CLSTN3: variants seen among roughly 807,000 people sequenced by gnomAD.
CLSTN3 encodes calsyntenin-3.
CLSTN3 carries 36 observed loss-of-function variants against 95.9 expected under a neutral mutation model. That is an observed-to-expected ratio of 0.38 (90% CI 0.29 to 0.50). The LOEUF is 0.50. Ranked by LOEUF, CLSTN3 falls within the 20% of genes least tolerant of loss-of-function variation. The pLI is 0.95. For synonymous variants in CLSTN3, 481 were observed against 504.0 expected (o/e 0.95, Z 0.61); for missense variants, 1,084 against 1,268.8 (o/e 0.85, Z 2.21).
chr12:7,150,901 T>C lies in CLSTN3; in HGVS notation c.2392-27T>C. The stretch of plus-strand genomic sequence containing the variant: ...GGGGAGGACCTGGGAGAAGCGTGTG[T>C]GCCCATGGAGCCCTCCCTCTGCCCA... On this transcript the variant is annotated intron_variant, in intron 15 of 17. Coordinates refer to ENST00000266546, the MANE Select transcript of CLSTN3 (RefSeq NM_014718.4). The surrounding 1 kb of genome is among the most constrained non-coding windows in gnomAD (Gnocchi z 4.0). 2 of 1,563,310 alleles carry C rather than the reference T, an allele frequency of 1.3e-6. No individual in the cohort carries two copies. The highest frequency in any genetic ancestry group is 1.7e-6 in the Non-Finnish European group (2 of 1,150,344).
At chr12:7,154,093 G>A (rs770897088) in intron 16 of CLSTN3, among the ~76,000 whole-genome samples, 3 of 152,308 alleles carry the variant, frequency 2.0e-5, no homozygotes, top group South Asian at 2.1e-4. Context: ...CACAGAGTTC[G>A]TAGCTTCCCT....
At chr12:7,136,181 C>T (rs757815011) in intron 5 of CLSTN3, 25 bp from the exon 6 acceptor site, 4 of 1,607,446 alleles carry the variant, frequency 2.5e-6, no homozygotes, top group East Asian at 4.5e-5. Context: ...CTCTCCCCAT[C>T]ACCCTCTCTG....
rs182627791 is a variant in CLSTN3, at chr12:7,145,532, G to A, written c.1847+2221G>A. On this transcript the variant is annotated intron_variant, in intron 12 of 17. Coordinates refer to ENST00000266546, the MANE Select transcript of CLSTN3 (RefSeq NM_014718.4). ...AAAGCCAGATTTATGCAACTATTTG[G>A]TCAATGCCTAAATGCAAGTTTTCCT... Among the ~76,000 whole-genome samples the A allele has an allele frequency of 5.2e-3, 782 of 151,074 alleles. 4 individuals carry two copies. The highest frequency in any genetic ancestry group is 6.4e-3 in the Non-Finnish European group (433 of 67,804).
At chr12:7,147,814 C>T (rs770435348) in intron 12 of CLSTN3, among the ~76,000 whole-genome samples, 1 of 152,214 alleles carries the variant, frequency 6.6e-6, no homozygotes, top group South Asian at 2.1e-4. Context: ...TCATGCCCAG[C>T]CTGAGCTTTA....
rs772383961 is a variant in CLSTN3, at chr12:7,150,660, C to T, written c.2362C>T (p.Arg788Cys). The stretch of plus-strand genomic sequence containing the variant: ...GCTTTCCTGCTCGGAAATGAATGGC[C>T]GTTACTCCAGCAATGAATTCATCGT... ...FRLSCSEMNG[R>C]YSSNEFIVEV... The change falls in exon 15 of 18, where the codon CGT (arginine) becomes TGT (cysteine). Residue 788 changes from arginine to cysteine, a missense_variant. Physicochemically the swap from Arg to Cys is radical, Grantham distance 180. Transcript: ENST00000266546. The surrounding 1 kb of genome is among the most constrained non-coding windows in gnomAD (Gnocchi z 4.0). 2 of 1,614,056 alleles carry T rather than the reference C, an allele frequency of 1.2e-6. No homozygotes were observed. The highest frequency in any genetic ancestry group is 1.7e-6 in the Non-Finnish European group (2 of 1,179,918).
At chr12:7,156,895 G>C (rs1939827387) in intron 16 of CLSTN3, 2 of 453,552 alleles carry the variant, frequency 4.4e-6, no homozygotes, top group Non-Finnish European at 8.9e-6. Context: ...AGCCCACCAG[G>C]AGAAGGGAGG....
rs749002728 is a variant in CLSTN3, at chr12:7,135,467, C to T, written c.524C>T (p.Pro175Leu). The change falls in exon 4 of 18, where the codon CCC (proline) becomes CTC (leucine). Residue 175 changes from proline to leucine, a missense_variant. Transcript: ENST00000266546. ...GAAGCCATTGACGGTGACTGCTCCC[C>T]CCAGTACAGCCAGATCTGCTACTAT... is the stretch of plus-strand genomic sequence containing the variant. ...RVEAIDGDCS[P>L]QYSQICYYEI... 3 of 1,614,132 alleles carry T rather than the reference C, an allele frequency of 1.9e-6. No homozygotes were observed. The highest frequency in any genetic ancestry group is 2.5e-6 in the Non-Finnish European group (3 of 1,180,018).
In CLSTN3 at chr12:7,135,314, C is replaced by G. The variant is rs751096948; in HGVS notation, c.384-13C>G. ...GACGTGTCTTCATCCCTCCTTCTCT[C>G]TGGCATATGCAGGGCCACTGTGCAT... is the stretch of plus-strand genomic sequence containing the variant. On this transcript the variant is annotated splice_polypyrimidine_tract_variant and intron_variant, in intron 3 of 17. Transcript: ENST00000266546. 12 of 1,612,840 alleles carry G rather than the reference C, an allele frequency of 7.4e-6. No homozygotes were observed. The Admixed American group carries it at 1.8e-4, about 25-fold the overall frequency.
chr12:7,155,524 C>T (rs947824243), intron 16 of CLSTN3, among the ~76,000 whole-genome samples: 1 of 152,356 alleles, frequency 6.6e-6, no homozygotes, highest in Admixed American at 6.5e-5. Flanking sequence ...GTCACCACCC[C>T]TTCTGGAGCC....
At chr12:7,131,475 G>A (rs1565647466) in intron 1 of CLSTN3, 5 of 281,524 alleles carry the variant, frequency 1.8e-5, no homozygotes, top group South Asian at 6.5e-5. Flanking sequence ...GTGGGAGGGG[G>A]TAAGGAGGGG....
chr12:7,154,037 G>A (rs931137727), intron 16 of CLSTN3, among the ~76,000 whole-genome samples: 1 of 152,236 alleles, frequency 6.6e-6, no homozygotes, highest in African/African-American at 2.4e-5. Flanking sequence ...TCAGTTGAGA[G>A]CAGCAGTTTT....
chr12:7,154,247 A>T (rs3782921), intron 16 of CLSTN3, among the ~76,000 whole-genome samples: 10,661 of 152,264 alleles, frequency 0.07, 482 homozygotes, highest in South Asian at 0.21. Flanking sequence ...TGGTTTCACA[A>T]TATCAAACCA....
intron 1 of CLSTN3, chr12:7,132,377 A>C (rs1046154976): frequency 9.6e-6 from 2 of 207,732 alleles, no homozygotes; most frequent in African/African-American, 4.7e-5. Context: ...TGCTGGGTCC[A>C]GTTGCTCAGC....
Position 7,137,159 on chromosome 12 carries a change from T to C in CLSTN3, c.1210+49T>C, listed in dbSNP as rs1439102276. On this transcript the variant is annotated intron_variant, in intron 7 of 17. Coordinates refer to ENST00000266546, the MANE Select transcript of CLSTN3 (RefSeq NM_014718.4). The surrounding 1 kb of genome is among the most constrained non-coding windows in gnomAD (Gnocchi z 4.4). ...GCCAGAGGGGGAAACTGGCTTCTTG[T>C]CCCGCCTCTGTCACTGCCCAGTGTG... 9 of 1,518,628 alleles carry C rather than the reference T, an allele frequency of 5.9e-6. No individual in the cohort carries two copies. Among genetic ancestry groups the C allele is most frequent in the Non-Finnish European group, 6.2e-6 (7 of 1,130,500 alleles). The allele number at this position is 1,518,628 out of a possible 1,614,324, so 94.1% of individuals were successfully genotyped here. A position where few individuals can be genotyped will look rare whatever the true frequency, so the allele number is the denominator to read the frequency against.
At chr12:7,152,071 A>AG (rs1349612608) in intron 16 of CLSTN3, among the ~76,000 whole-genome samples, 1 of 151,614 alleles carries the variant, frequency 6.6e-6, no homozygotes, top group East Asian at 1.9e-4. Context: ...AAAAAAAAAA[A>AG]AAAAAGAAAG....
At chr12:7,147,096 C>A (rs898318032) in intron 12 of CLSTN3, among the ~76,000 whole-genome samples, 3 of 152,140 alleles carry the variant, frequency 2.0e-5, no homozygotes, top group African/African-American at 7.2e-5. Context: ...TTTCCGCTAG[C>A]ACCAGCGTGG....
chr12:7,136,079 T>A (rs1353293742), intron 5 of CLSTN3, 126 bp downstream of exon 5: 1 of 1,494,052 alleles, frequency 6.7e-7, no homozygotes, highest in East Asian at 2.3e-5. Context: ...CTTGCAGCTA[T>A]CTACTCTAGC....
At chr12:7,131,257 T>TG (rs1411737608) in intron 1 of CLSTN3, 3 of 211,882 alleles carry the variant, frequency 1.4e-5, no homozygotes, top group African/African-American at 7.0e-5. Context: ...TTACCAGAGC[T>TG]GCCCTCTCTG....
intron 16 of CLSTN3, among the ~76,000 whole-genome samples, chr12:7,153,692 T>C (rs952378466): frequency 1.3e-5 from 2 of 152,222 alleles, no homozygotes; most frequent in Non-Finnish European, 2.9e-5. Context: ...TTGGGGATCA[T>C]TCCACTCAAT....
Sources: gnomAD v4.1 joint callset for allele counts (sites outside exome capture counted in the v4.1 genomes callset) on GRCh38, gnomAD v4.1.1 for gene constraint, Gnocchi (gnomAD v3.1) non-coding constraint, MANE v1.5 for transcripts, NCBI Gene and HGNC (gene_info 2026-07-23, HGNC 2026-07-21) for gene names.